FREM2: variants seen among roughly 807,000 people sequenced by gnomAD.
The protein encoded by FREM2 is FRAS1 related extracellular matrix 2.
A neutral mutation model predicts 219.9 loss-of-function variants in FREM2; 119 were observed. The ratio of observed to expected loss-of-function variants is 0.54; its 90% CI spans 0.47 to 0.63. The LOEUF (loss-of-function observed/expected upper bound fraction) is 0.63. FREM2 is among the 30% of genes least tolerant of loss of function. The pLI is 0.00. For synonymous variants in FREM2, 1,562 were observed against 1,522.8 expected, an observed-to-expected ratio of 1.03 and a Z score of -0.60; for missense variants, 4,030 against 3,993.6, an observed-to-expected ratio of 1.01 and a Z score of -0.25.
chr13:38,875,988 T>C (rs1197927757), intron 18 of FREM2, 34 bp from the exon 19 acceptor site: 2 of 1,581,650 alleles, frequency 1.3e-6, no homozygotes, highest in South Asian at 1.1e-5. Flanking sequence ...ATTGAACCAC[T>C]ATATCATTAT....
intron 6 of FREM2, among the ~76,000 whole-genome samples, chr13:38,806,629 C>T (rs1235562446): frequency 1.3e-5 from 2 of 151,818 alleles, no homozygotes; most frequent in Non-Finnish European, 2.9e-5. Context: ...TTGTCAGAGC[C>T]TTCAGTAATT....
chr13:38,760,574 T>TGAA (rs1873187966), intron 2 of FREM2, among the ~76,000 whole-genome samples: 1 of 152,214 alleles, frequency 6.6e-6, no homozygotes, highest in African/African-American at 2.4e-5. Flanking sequence ...CTTAAAATCT[T>TGAA]TCAAGAAGTA....
Position 38,846,106 on chromosome 13 carries a change from G to A in FREM2, c.6020-467G>A, listed in dbSNP as rs1203913319. ...TGATTATAACACACTCACATACATCGAAATAAGCCCAAATCTAATGGACCA... is the reference window on the plus strand; with the variant it reads ...TGATTATAACACACTCACATACATCAAAATAAGCCCAAATCTAATGGACCA... On this transcript the variant is annotated intron_variant, in intron 6 of 23. Transcript: ENST00000280481. Among the ~76,000 whole-genome samples the A allele has an allele frequency of 6.6e-5, 10 of 151,322 alleles. 1 individual carries two copies. Among genetic ancestry groups the A allele is most frequent in the Admixed American group, 2.6e-4 (4 of 15,172 alleles).
chr13:38,801,788 G>A (rs1875019477), intron 6 of FREM2, among the ~76,000 whole-genome samples: 1 of 152,088 alleles, frequency 6.6e-6, no homozygotes, highest in Admixed American at 6.6e-5. Flanking sequence ...AGTATTAGTG[G>A]GTCATGGTGG....
rs1261371846 is a variant in FREM2, at chr13:38,762,210, CAG to C, written c.5264-2090_5264-2089del. 2.0e-5 allele frequency among the ~76,000 whole-genome samples: 3 copies of C among 152,108 alleles called. No individual in the cohort carries two copies. In the East Asian group the frequency reaches 5.8e-4, roughly 29 times the overall value. The stretch of plus-strand genomic sequence containing the variant: ...TCACCTGACTCTCCAGAAAAGGAAA[CAG>C]AGATCCAGAGAAGTAACTTGGTCAG... On this transcript the variant is annotated intron_variant, in intron 2 of 23. Transcript: ENST00000280481.
At chr13:38,745,554 T>C (rs1364683343) in intron 2 of FREM2, among the ~76,000 whole-genome samples, 2 of 152,238 alleles carry the variant, frequency 1.3e-5, no homozygotes, top group Non-Finnish European at 2.9e-5. Flanking sequence ...TTGTCTTTTC[T>C]ATTAAAATGT....
chr13:38,762,497 T>C (rs1345276870), intron 2 of FREM2, among the ~76,000 whole-genome samples: 1 of 151,842 alleles, frequency 6.6e-6, no homozygotes, highest in Admixed American at 6.6e-5. Flanking sequence ...TGGAGTGCAA[T>C]GGTGCGATCT....
rs1296348519 is a variant in FREM2 at position 38,807,188 on chromosome 13, GTTATATATATATATATATATATAT to G, written c.6019+22381_6019+22404del. Among the ~76,000 whole-genome samples the G allele has an allele frequency of 8.4e-4, 56 of 66,402 alleles. 3 individuals carry two copies. Among genetic ancestry groups the G allele is most frequent in the African/African-American group, 1.9e-3 (43 of 22,892 alleles). 43.6% of individuals were successfully genotyped at this position (66,402 alleles called of 152,430 possible). ...ACCTTTTTGCAGAGATCTTGTCTCT[GTTATATATATATATATATATATAT>G]ATATATATATATATATGTATGGTTT... On this transcript the variant is annotated intron_variant, in intron 6 of 23. Coordinates refer to ENST00000280481, the MANE Select transcript of FREM2 (RefSeq NM_207361.6).
At chr13:38,755,160 C>G (rs959823091) in intron 2 of FREM2, among the ~76,000 whole-genome samples, 2 of 152,040 alleles carry the variant, frequency 1.3e-5, no homozygotes, top group Admixed American at 6.6e-5. Context: ...CTCGGCCCCC[C>G]AAAGTGCTGG....
At chr13:38,718,884 G>A (rs1160457260) in intron 2 of FREM2, among the ~76,000 whole-genome samples, 2 of 152,156 alleles carry the variant, frequency 1.3e-5, no homozygotes, top group Non-Finnish European at 2.9e-5. Context: ...GATTATTACA[G>A]GAGCAGTCAG....
rs745851795 is a variant in FREM2 at position 38,690,784 on chromosome 13, A to G, written c.3440A>G (p.Asn1147Ser). ...AAAGATCTCAGGCAGGGCCACATAA[A>G]CTATGTCCAGAGTGTCCATAAAGGG... is the stretch of plus-strand genomic sequence containing the variant. Reference protein sequence around the residue: ...NLKDLRQGHINYVQSVHKGVE... With the variant: ...NLKDLRQGHISYVQSVHKGVE... The change falls in exon 1 of 24, where the codon AAC becomes AGC. Residue 1147 changes from asparagine to serine, a missense_variant. By Grantham distance (46) the Asn-to-Ser change is conservative. Transcript: ENST00000280481. 4 of 1,614,042 alleles carry G rather than the reference A, an allele frequency of 2.5e-6. No individual in the cohort carries two copies. Among genetic ancestry groups the G allele is most frequent in the Non-Finnish European group, 3.4e-6 (4 of 1,180,032 alleles).
At chr13:38,773,963 T>TA (rs1032222695) in intron 4 of FREM2, among the ~76,000 whole-genome samples, 2 of 150,666 alleles carry the variant, frequency 1.3e-5, no homozygotes, top group Admixed American at 6.6e-5. Context: ...AGGCAGTATT[T>TA]AAAAAAAATA....
chr13:38,874,735 G>C lies in FREM2; in HGVS notation c.8281+149G>C, dbSNP rs1424497420. On this transcript the variant is annotated intron_variant, in intron 18 of 23. Transcript: ENST00000280481. ...TGTGGGATTATCTCCATGAGAGCTT[G>C]ATAATTGTTCAGCTTCACCTCATAA... The C allele has an allele frequency of 1.1e-5, 8 of 719,344 alleles. No individual in the cohort carries two copies. The East Asian group carries it at 1.9e-4, about 17-fold the overall frequency. The allele number at this position is 719,344 out of a possible 1,614,324, so 44.6% of individuals were successfully genotyped here. A position where few individuals can be genotyped will look rare whatever the true frequency, so the allele number is the denominator to read the frequency against.
chr13:38,788,027 T>G (rs1310205140), intron 6 of FREM2, among the ~76,000 whole-genome samples: 1 of 151,988 alleles, frequency 6.6e-6, no homozygotes, highest in Non-Finnish European at 1.5e-5. Context: ...AGGACAGTAC[T>G]GAAAAGAGGA....
intron 18 of FREM2, among the ~76,000 whole-genome samples, chr13:38,875,418 C>CAAGA (rs1878308782): frequency 6.6e-6 from 1 of 152,060 alleles, no homozygotes. Flanking sequence ...AACTGAGCTA[C>CAAGA]AAGAAAGAAA....
rs796917957 is a variant in FREM2 at position 38,866,332 on chromosome 13, T to TA, written c.7983+1735dup. 7.1e-3 allele frequency among the ~76,000 whole-genome samples: 1,059 copies of TA among 150,138 alleles called. 6 individuals are homozygous for TA. Among genetic ancestry groups the TA allele is most frequent in the African/African-American group, 0.024 (995 of 40,928 alleles). The stretch of plus-strand genomic sequence containing the variant: ...CAACATGGAGAAACCCCGTCTCTAC[T>TA]AAAAAAAAATACAAAAATTAGCTGG... On this transcript the variant is annotated intron_variant, in intron 16 of 23. Coordinates refer to ENST00000280481, the MANE Select transcript of FREM2 (RefSeq NM_207361.6).
intron 2 of FREM2, among the ~76,000 whole-genome samples, chr13:38,760,897 C>T (rs1873202118): frequency 6.6e-6 from 1 of 151,530 alleles, no homozygotes; most frequent in African/African-American, 2.4e-5. Flanking sequence ...AAAAACTAAC[C>T]AGAATAAAGG....
At chr13:38,814,494 T>C (rs1875681360) in intron 6 of FREM2, among the ~76,000 whole-genome samples, 1 of 152,162 alleles carries the variant, frequency 6.6e-6, no homozygotes, top group African/African-American at 2.4e-5. Flanking sequence ...TCCCTTTCTT[T>C]CTGCCAAACA....
intron 6 of FREM2, among the ~76,000 whole-genome samples, chr13:38,843,752 T>A (rs1355385189): frequency 6.6e-6 from 1 of 152,192 alleles, no homozygotes; most frequent in Non-Finnish European, 1.5e-5. Context: ...ATTGTAGATA[T>A]TTTGAAAAGA....
Sources: gnomAD v4.1 joint callset for allele counts (sites outside exome capture counted in the v4.1 genomes callset) on GRCh38, gnomAD v4.1.1 for gene constraint, MANE v1.5 for transcripts, NCBI Gene and HGNC (gene_info 2026-07-23, HGNC 2026-07-21) for gene names.